The following SYNE2 variants were observed in gnomAD, a reference collection of about 807,000 sequenced individuals.
The protein encoded by SYNE2 is nesprin-2.
In SYNE2, 431 loss-of-function variants were observed where a neutral mutation model predicts 856.3. The observed-to-expected ratio is 0.50, with a 90% CI of 0.47 to 0.55. SYNE2 has a LOEUF of 0.55. Ranked by LOEUF, SYNE2 falls within the 20% of genes least tolerant of loss-of-function variation. The pLI, the probability that SYNE2 is intolerant of heterozygous loss-of-function variation, is 0.00. For synonymous variants in SYNE2, 2,923 were observed against 2,872.3 expected (o/e 1.02, Z -0.56); for missense variants, 8,129 against 8,023.2 (o/e 1.01, Z -0.50).
intron 1 of SYNE2, among the ~76,000 whole-genome samples, chr14:63,840,414 C>CCTTT (rs1890016794): frequency 2.8e-5 from 2 of 71,030 alleles, no homozygotes; most frequent in African/African-American, 7.9e-5. Context: ...TTCCTTCCTT[C>CCTTT]CTTCCTTCCT....
chr14:64,038,613 G>T lies in SYNE2; in HGVS notation c.7221+7256G>T, dbSNP rs546900539. Among the ~76,000 whole-genome samples the T allele has an allele frequency of 1.1e-3, 162 of 152,374 alleles. 3 individuals are homozygous for T. The South Asian group carries it at 0.015, about 14-fold the overall frequency. Reference sequence around the variant, plus strand: ...CCGGCACCTCGGGAGGCCGAGGCTGGTGGATCACTCGGCGGTTAGGAGCTG... The same window carrying T: ...CCGGCACCTCGGGAGGCCGAGGCTGTTGGATCACTCGGCGGTTAGGAGCTG... On this transcript the variant is annotated intron_variant, in intron 45 of 115. Coordinates refer to ENST00000555002, the MANE Select transcript of SYNE2 (RefSeq NM_182914.3).
chr14:63,870,525 C>G (rs971690974), intron 1 of SYNE2, among the ~76,000 whole-genome samples: 1 of 129,932 alleles, frequency 7.7e-6, no homozygotes, highest in Admixed American at 8.5e-5. Context: ...GTACTGCACC[C>G]TTGAACTGAA....
chr14:64,207,703 A>G (rs961795831), intron 100 of SYNE2, among the ~76,000 whole-genome samples: 2 of 152,318 alleles, frequency 1.3e-5, no homozygotes, highest in East Asian at 1.9e-4. Context: ...CCTCTTATTA[A>G]CTGAAATTTG....
At chr14:64,201,329 G>A (rs1379645398) in intron 99 of SYNE2, among the ~76,000 whole-genome samples, 3 of 152,180 alleles carry the variant, frequency 2.0e-5, no homozygotes, top group African/African-American at 7.2e-5. Flanking sequence ...GGAACTAGAA[G>A]TCAGTCCCAT....
In SYNE2 at chr14:64,224,381, G is replaced by C. The variant is rs1152585; in HGVS notation, c.20383-80G>C. The C allele has an allele frequency of 0.049, 57,513 of 1,170,026 alleles. 4,859 individuals are homozygous for C. Among genetic ancestry groups the C allele is most frequent in the East Asian group, 0.33 (14,319 of 43,458 alleles). 72.5% of individuals were successfully genotyped at this position (1,170,026 alleles called of 1,614,324 possible). A position where few individuals can be genotyped will look rare whatever the true frequency, so the allele number is the denominator to read the frequency against. ...ACAAAACAAAAAAAGATTGATTTAA[G>C]GTAGGGGAGGGTGAGCTATATCATG... On this transcript the variant is annotated intron_variant, in intron 113 of 115. Coordinates refer to ENST00000555002, the MANE Select transcript of SYNE2 (RefSeq NM_182914.3).
Position 63,949,983 on chromosome 14 carries a change from G to C in SYNE2, c.567G>C (p.Leu189Phe). The C allele has an allele frequency of 2.5e-6, 4 of 1,614,108 alleles. No homozygotes were observed. Among genetic ancestry groups the C allele is most frequent in the Non-Finnish European group, 3.4e-6 (4 of 1,180,010 alleles). Residue 189 changes from leucine (L) to phenylalanine (F), a missense_variant, in exon 7 of 116, where the codon TTG becomes TTC. Leu to Phe is a conservative substitution (Grantham distance 22). Coordinates refer to ENST00000555002, the MANE Select transcript of SYNE2 (RefSeq NM_182914.3). ...TGTCTGCAAGAAAGGCCCTTCTTTT[G>C]TGGGCTCAGGAACAATGCGCCACGT... ...WQMSARKALLLWAQEQCATYE... is the reference protein window; with the variant it reads ...WQMSARKALLFWAQEQCATYE...
At position 63,975,929 on chromosome 14, in the gene SYNE2, G is replaced by A. The variant is rs562234806; in HGVS notation, c.1129-634G>A. Among the ~76,000 whole-genome samples, 375 of 152,326 alleles carry A rather than the reference G, an allele frequency of 2.5e-3. 3 individuals are homozygous for A. Among genetic ancestry groups the A allele is most frequent in the Non-Finnish European group, 2.5e-3 (170 of 68,024 alleles). On this transcript the variant is annotated intron_variant, in intron 11 of 115. Transcript: ENST00000555002. ...TCAGCGCTTGCCGGGGGGACATCCA[G>A]GTAGCAGGGGCAGTGAGAATGAAGA...
chr14:63,861,342 A>G (rs1893638974), intron 1 of SYNE2, among the ~76,000 whole-genome samples: 1 of 151,670 alleles, frequency 6.6e-6, no homozygotes, highest in South Asian at 2.1e-4. Flanking sequence ...ACGGGGTTTC[A>G]CCATGTTGGT....
At chr14:64,011,964 G>A (rs2096849678) in intron 32 of SYNE2, among the ~76,000 whole-genome samples, 1 of 152,124 alleles carries the variant, frequency 6.6e-6, no homozygotes, top group South Asian at 2.1e-4. Flanking sequence ...TCTGTCCTCA[G>A]CTGTATTTGG....
In SYNE2 at chr14:64,132,303, C is replaced by G; in HGVS notation, c.14379C>G (p.Ile4793Met). 1 of 1,613,910 alleles carries G rather than the reference C, an allele frequency of 6.2e-7. No homozygotes were observed. Among genetic ancestry groups the G allele is most frequent in the East Asian group, 2.2e-5 (1 of 44,886 alleles). Residue 4793 changes from isoleucine to methionine, a missense_variant, in exon 77 of 116, where the codon ATC becomes ATG. Physicochemically the swap from Ile to Met is conservative, Grantham distance 10 (BLOSUM62 1). This residue lies in a region of SYNE2 where 5,410 missense variants were observed against 5,284.8 expected (regional missense o/e 1.02). Transcript: ENST00000555002. ...AGCTTGTTGCTGACATGTTGTTGAT[C>G]CAAGCATACTCTGCCAAAATACTTC... ...FQKLVADMLL[I>M]QAYSAKILPS... is the part of the protein sequence containing the mutation.
In SYNE2 at chr14:64,141,504, T is replaced by C; in HGVS notation, c.15140T>C (p.Ile5047Thr). The change falls in exon 81 of 116, where the codon ATT becomes ACT. Residue 5047 changes from isoleucine to threonine, a missense_variant. Around this residue, in one of 3 missense-constraint regions of SYNE2, gnomAD observed 5,410 missense variants for 5,284.8 expected, o/e 1.02. Transcript: ENST00000555002. ...WTMLITQLPDIQEKLHQLQME... is the reference protein window; with the variant it reads ...WTMLITQLPDTQEKLHQLQME... The stretch of plus-strand genomic sequence containing the variant: ...ATGCTCATAACTCAACTTCCAGATA[T>C]TCAAGAAAAACTTCACCAGGTAAGT... 1 of 1,614,026 alleles carries C rather than the reference T, an allele frequency of 6.2e-7. No homozygotes were observed. Among genetic ancestry groups the C allele is most frequent in the Non-Finnish European group, 8.5e-7 (1 of 1,179,956 alleles).
At chr14:64,106,603 C>A (rs576388039) in intron 64 of SYNE2, among the ~76,000 whole-genome samples, 1 of 152,138 alleles carries the variant, frequency 6.6e-6, no homozygotes, top group African/African-American at 2.4e-5. Context: ...GAGCCGAGAT[C>A]GTGCCACTGC....
At chr14:64,208,983 C>A (rs775062391) in intron 101 of SYNE2, 38 bp downstream of exon 101, 1 of 1,601,710 alleles carries the variant, frequency 6.2e-7, no homozygotes, top group South Asian at 1.1e-5. Context: ...TCAGCGTGGT[C>A]AGCCGAACTC....
rs184999213 is a variant in SYNE2, at chr14:63,811,994, C to T, written c.-304-40507C>T. On this transcript the variant is annotated intron_variant, in intron 1 of 23. Coordinates refer to the SYNE2 transcript ENST00000674003. ...ATAAGGGTCTATGTTCAGCTATACA[C>T]GTGTTGTCTTGATAAACATCTTAAA... Among the ~76,000 whole-genome samples the T allele has an allele frequency of 1.2e-4, 19 of 152,288 alleles. No homozygotes were observed. The East Asian group carries it at 1.7e-3, about 14-fold the overall frequency.
At chr14:63,784,552 GTCTC>G (rs1373430545) in intron 1 of SYNE2, among the ~76,000 whole-genome samples, 1 of 151,984 alleles carries the variant, frequency 6.6e-6, no homozygotes, top group Non-Finnish European at 1.5e-5. Flanking sequence ...GTAGAGATGG[GTCTC>G]TCTATGTTGC....
chr14:64,222,337 ACTGT>A (rs1382959877), intron 112 of SYNE2, among the ~76,000 whole-genome samples: 32 of 152,294 alleles, frequency 2.1e-4, no homozygotes, highest in African/African-American at 5.5e-4. Context: ...CTGTGTCTGC[ACTGT>A]CTAATAACCT....
chr14:63,769,618 G>A (rs1262887689), intron 1 of SYNE2, among the ~76,000 whole-genome samples: 2 of 137,370 alleles, frequency 1.5e-5, no homozygotes, highest in Admixed American at 8.2e-5. Context: ...GCAGTGAGTC[G>A]AGATCGCGCC....
intron 100 of SYNE2, among the ~76,000 whole-genome samples, chr14:64,205,358 G>C (rs770849719): frequency 6.6e-6 from 1 of 152,034 alleles, no homozygotes; most frequent in Admixed American, 6.5e-5. Context: ...CAAAACACTG[G>C]AAACAAATGT....
At chr14:64,026,393 A>G (rs757160257) in intron 41 of SYNE2, among the ~76,000 whole-genome samples, 186 bp from the exon 42 acceptor site, 15 of 152,204 alleles carry the variant, frequency 9.9e-5, no homozygotes, top group Non-Finnish European at 1.8e-4. Context: ...ACAAATATTT[A>G]TGGAGAACTA....
Sources: allele counts gnomAD v4.1 joint callset (sites outside exome capture counted in the v4.1 genomes callset), GRCh38; gene constraint gnomAD v4.1.1; regional missense constraint gnomAD v4.1.1; transcripts MANE v1.5; gene names NCBI Gene and HGNC (gene_info 2026-07-23, HGNC 2026-07-21).